Variants in SOX5 observed in about 807,000 individuals in gnomAD.
SOX5 encodes transcription factor SOX-5.
A neutral mutation model predicts 92.0 loss-of-function variants in SOX5; 9 were observed. The ratio of observed to expected loss-of-function variants is 0.10; its 90% CI spans 0.06 to 0.17. The LOEUF is 0.17. Ranked by LOEUF, SOX5 falls within the 10% of genes least tolerant of loss-of-function variation. The probability of loss-of-function intolerance (pLI) is 1.00; values close to 1 mark genes in which losing one functional copy is unlikely to be tolerated. For missense variants in SOX5, 642 were observed against 944.5 expected (o/e 0.68, Z 4.20); for synonymous variants, 344 against 336.3 (o/e 1.02, Z -0.25).
chr12:23,738,189 C>T (rs1470647326), intron 5 of SOX5, among the ~76,000 whole-genome samples: 1 of 152,116 alleles, frequency 6.6e-6, no homozygotes, highest in Non-Finnish European at 1.5e-5. Context: ...GTAAACAGGT[C>T]CTTTAGCTTT....
At chr12:24,144,860 A>G (rs1430148476) in intron 4 of SOX5, among the ~76,000 whole-genome samples, 4 of 152,084 alleles carry the variant, frequency 2.6e-5, no homozygotes, top group African/African-American at 2.4e-5. Context: ...CAAAGGCTAC[A>G]AGGGGAAAAA....
chr12:23,935,901 T>G (rs2139365021), intron 1 of SOX5, among the ~76,000 whole-genome samples: 1 of 151,238 alleles, frequency 6.6e-6, no homozygotes, highest in South Asian at 2.1e-4. Context: ...AATACTATAA[T>G]GTGATGGTTA....
upstream of SOX5, chr12:23,951,001 A>T (rs77717736): frequency 2.6e-4 from 182 of 687,268 alleles, no homozygotes; most frequent in Non-Finnish European, 3.8e-4. Flanking sequence ...ACACACACAC[A>T]CACTCACTCA....
intron 4 of SOX5, among the ~76,000 whole-genome samples, chr12:23,961,857 T>C (rs145853284): frequency 1.1e-3 from 166 of 152,326 alleles, no homozygotes; most frequent in African/African-American, 3.8e-3. Flanking sequence ...AAGATTAGAA[T>C]ATGCTCTTCC....
intron 1 of SOX5, among the ~76,000 whole-genome samples, chr12:24,369,046 T>C (rs1387830372): frequency 2.0e-5 from 3 of 152,172 alleles, no homozygotes; most frequent in African/African-American, 7.2e-5. Context: ...TAAGGGTAAC[T>C]GTAGTGTCTT....
intron 3 of SOX5, among the ~76,000 whole-genome samples, chr12:23,773,175 T>C (rs2094988597): frequency 6.6e-6 from 1 of 152,172 alleles, no homozygotes; most frequent in Non-Finnish European, 1.5e-5. Flanking sequence ...ATGACTATTT[T>C]TGTTATTTTA....
chr12:23,718,645 T>G (rs2092642345), intron 6 of SOX5, among the ~76,000 whole-genome samples: 1 of 152,104 alleles, frequency 6.6e-6, no homozygotes, highest in Non-Finnish European at 1.5e-5. Context: ...TCACTGTTTA[T>G]TATCCTGCAT....
intron 8 of SOX5, among the ~76,000 whole-genome samples, chr12:23,611,844 C>T (rs1475538249): frequency 6.6e-6 from 1 of 151,912 alleles, no homozygotes; most frequent in African/African-American, 2.4e-5. Flanking sequence ...CCCTTTTCAT[C>T]CTCCCTACAT....
chr12:24,458,168 A>ATC (rs1943227163), intron 1 of SOX5, among the ~76,000 whole-genome samples: 1 of 152,140 alleles, frequency 6.6e-6, no homozygotes, highest in Non-Finnish European at 1.5e-5. Context: ...GTTTTTTTAA[A>ATC]TTTGTTAAAT....
intron 3 of SOX5, among the ~76,000 whole-genome samples, chr12:23,828,004 C>A (rs2096259179): frequency 6.6e-6 from 1 of 152,112 alleles, no homozygotes; most frequent in South Asian, 2.1e-4. Context: ...ATGATTTATT[C>A]CACATATAGT....
intron 2 of SOX5, among the ~76,000 whole-genome samples, chr12:23,890,880 A>AGGTAGTT (rs2097124204): frequency 6.6e-6 from 1 of 152,198 alleles, no homozygotes; most frequent in Non-Finnish European, 1.5e-5. Flanking sequence ...CAATAAGAAT[A>AGGTAGTT]AAGCTCAGGA....
At chr12:23,988,808 G>A (rs1297865795) in intron 4 of SOX5, among the ~76,000 whole-genome samples, 1 of 152,112 alleles carries the variant, frequency 6.6e-6, no homozygotes, top group East Asian at 1.9e-4. Context: ...GGCTAGGGAA[G>A]ACTTAAGGGA....
intron 4 of SOX5, among the ~76,000 whole-genome samples, chr12:24,085,852 C>T (rs1041691576): frequency 6.6e-5 from 10 of 151,686 alleles, no homozygotes; most frequent in African/African-American, 2.4e-4. Flanking sequence ...CCCTCTGACA[C>T]CCTCCTCAAA....
intron 4 of SOX5, among the ~76,000 whole-genome samples, chr12:24,091,426 C>CTTTTTT (rs1593065915): frequency 9.9e-6 from 1 of 101,024 alleles, no homozygotes; most frequent in African/African-American, 3.4e-5. Context: ...ATAGAGAATG[C>CTTTTTT]TATTTTTTTT....
At chr12:24,268,627 C>CA (rs1377789543) in intron 3 of SOX5, among the ~76,000 whole-genome samples, 2 of 152,054 alleles carry the variant, frequency 1.3e-5, no homozygotes, top group Non-Finnish European at 2.9e-5. Context: ...TCAATTCTAC[C>CA]ATATGTTACA....
intron 2 of SOX5, among the ~76,000 whole-genome samples, chr12:23,860,703 T>C (rs1040128472): frequency 2.6e-5 from 4 of 151,758 alleles, no homozygotes; most frequent in Admixed American, 2.0e-4. Context: ...GGTGAAAAAA[T>C]AAAGGCTGTA....
intron 4 of SOX5, among the ~76,000 whole-genome samples, chr12:24,095,120 C>CAGAGAGAGAGAG (rs1442826677): frequency 6.5e-4 from 66 of 102,128 alleles, no homozygotes; most frequent in East Asian, 5.5e-3. Flanking sequence ...CACACACACA[C>CAGAGAGAGAGAG]ACACACACAG....
chr12:23,697,774 C>T (rs781179852), intron 6 of SOX5, among the ~76,000 whole-genome samples: 1 of 152,134 alleles, frequency 6.6e-6, no homozygotes, highest in Non-Finnish European at 1.5e-5. Flanking sequence ...TGGCCTTGAA[C>T]TCCTGACCTC....
chr12:23,558,896 C>T (rs1945713227), intron 11 of SOX5, among the ~76,000 whole-genome samples: 1 of 152,200 alleles, frequency 6.6e-6, no homozygotes, highest in South Asian at 2.1e-4. Flanking sequence ...AGCCACCGTG[C>T]CCGGCCATGA....
Sources: gnomAD v4.1 joint callset for allele counts (sites outside exome capture counted in the v4.1 genomes callset) on GRCh38, gnomAD v4.1.1 for gene constraint, MANE v1.5 for transcripts, NCBI Gene and HGNC (gene_info 2026-07-23, HGNC 2026-07-21) for gene names.